The following USP33 variants were observed in gnomAD, a reference collection of about 807,000 sequenced individuals.
USP33 encodes the protein ubiquitin carboxyl-terminal hydrolase 33.
In USP33, 46 loss-of-function variants were observed where a neutral mutation model predicts 124.2. The observed-to-expected ratio is 0.37, with a 90% CI of 0.29 to 0.47. USP33 has a LOEUF of 0.47. USP33 is among the 20% of genes least tolerant of loss of function. The pLI is 0.99. For missense variants in USP33, 851 were observed against 1,070.6 expected (o/e 0.79, Z 2.86); for synonymous variants, 350 against 352.3 (o/e 0.99, Z 0.07).
chr1:77,706,619 A>G (rs1255374081), intron 21 of USP33, among the ~76,000 whole-genome samples: 1 of 152,240 alleles, frequency 6.6e-6, no homozygotes, highest in Non-Finnish European at 1.5e-5. Context: ...AAATGAAGAA[A>G]CAGGCTTACT....
chr1:77,713,868 A>ACT (rs1363333175), intron 19 of USP33, among the ~76,000 whole-genome samples: 3 of 150,876 alleles, frequency 2.0e-5, no homozygotes, highest in Non-Finnish European at 4.4e-5. Context: ...TTATTCTTAC[A>ACT]CTCTCTCTCC....
chr1:77,744,661 T>C lies in USP33; in HGVS notation c.-51-2913A>G, dbSNP rs374571086. Among the ~76,000 whole-genome samples the C allele has an allele frequency of 4.6e-5, 7 of 152,086 alleles. No individual in the cohort carries two copies. In the South Asian group the frequency reaches 8.3e-4, roughly 18 times the overall value. ...GAGTTAGAGACCAGCCTGAGCAACA[T>C]AGCGAGACCTCGTCTCTACTAAAAA... is the stretch of plus-strand genomic sequence containing the variant. On this transcript the variant is annotated intron_variant, in intron 1 of 23. Coordinates refer to ENST00000370794, the MANE Select transcript of USP33 (RefSeq NM_201624.3).
At chr1:77,697,742 G>T in intron 23 of USP33, 121 bp downstream of exon 23, 1 of 1,072,426 alleles carries the variant, frequency 9.3e-7, no homozygotes, top group African/African-American at 1.6e-5. Flanking sequence ...ACTTGCCCTA[G>T]TTAATGTATG....
intron 1 of USP33, among the ~76,000 whole-genome samples, chr1:77,755,762 G>T (rs1174846577): frequency 2.0e-5 from 3 of 152,158 alleles, no homozygotes; most frequent in Non-Finnish European, 4.4e-5. Flanking sequence ...TGTGGGAAAT[G>T]GTCTTATTTT....
chr1:77,755,979 G>A lies in USP33; in HGVS notation c.-52+3664C>T, dbSNP rs1384139056. On this transcript the variant is annotated intron_variant, in intron 1 of 23. Transcript: ENST00000370794. Reference sequence around the variant, plus strand: ...TCAACACTCTTATCATCACTCTCCTGAATACTATGCAATTTTTTCACTTTC... The same window carrying A: ...TCAACACTCTTATCATCACTCTCCTAAATACTATGCAATTTTTTCACTTTC... Among the ~76,000 whole-genome samples, 3 of 152,292 alleles carry A rather than the reference G, an allele frequency of 2.0e-5. No individual in the cohort carries two copies. In the East Asian group the frequency reaches 5.8e-4, roughly 29 times the overall value.
chr1:77,755,774 G>C (rs916375449), intron 1 of USP33, among the ~76,000 whole-genome samples: 1 of 152,180 alleles, frequency 6.6e-6, no homozygotes, highest in Non-Finnish European at 1.5e-5. Context: ...TCTTATTTTA[G>C]GTCACATTCA....
Position 77,728,436 on chromosome 1 carries a change from A to G in USP33, c.994T>C (p.Trp332Arg). The G allele has an allele frequency of 6.2e-7, 1 of 1,613,974 alleles. No individual in the cohort carries two copies. Among genetic ancestry groups the G allele is most frequent in the Non-Finnish European group, 8.5e-7 (1 of 1,179,978 alleles). ...DENNSEMSKD[W>R]QKEKMCNKIN... ...TTATTGCACATCTTCTCTTTTTGCC[A>G]ATCCTTTGACATTTCTGAATTGTTT... The change falls in exon 10 of 24, where the codon TGG becomes CGG. Residue 332 changes from tryptophan to arginine, a missense_variant. Around this residue, in one of 4 missense-constraint regions of USP33, gnomAD observed 207 missense variants for 200.9 expected, o/e 1.03. Transcript: ENST00000370794.
At chr1:77,757,798 T>C (rs186073682) in intron 1 of USP33, among the ~76,000 whole-genome samples, 17 of 152,362 alleles carry the variant, frequency 1.1e-4, no homozygotes, top group Non-Finnish European at 2.4e-4. Flanking sequence ...TTACACAATC[T>C]TGAAATGTTT....
chr1:77,759,333 G>A (rs1382679514), intron 1 of USP33: 2 of 352,846 alleles, frequency 5.7e-6, no homozygotes, highest in African/African-American at 2.1e-5. Context: ...CAGAGCCCCC[G>A]CTTCTCGGGC....
At chr1:77,715,266 G>A (rs1675741119) in intron 18 of USP33, among the ~76,000 whole-genome samples, 1 of 151,964 alleles carries the variant, frequency 6.6e-6, no homozygotes, top group Non-Finnish European at 1.5e-5. Flanking sequence ...GAGTGCAGTG[G>A]CGCAATCTAG....
rs1553191204 is a variant in USP33 at position 77,711,861 on chromosome 1, G to A, written c.2298-6C>T. The A allele has an allele frequency of 1.4e-5, 22 of 1,582,976 alleles. No individual in the cohort carries two copies. The highest frequency in any genetic ancestry group is 2.0e-5 in the Admixed American group (1 of 50,866). On this transcript the variant is annotated splice_polypyrimidine_tract_variant and splice_region_variant and intron_variant, in intron 20 of 23. Transcript: ENST00000370794. Reference sequence around the variant, plus strand: ...CAGCTGGTCCTCCACCATACCTAAAGCATGAAAAATTTAAGAATTAATGTT... The same window carrying A: ...CAGCTGGTCCTCCACCATACCTAAAACATGAAAAATTTAAGAATTAATGTT...
At position 77,717,969 on chromosome 1, in the gene USP33, G is replaced by A. The variant is rs769470146; in HGVS notation, c.1816C>T (p.Leu606=). 11 of 1,613,906 alleles carry A rather than the reference G, an allele frequency of 6.8e-6. No individual in the cohort carries two copies. The Admixed American group carries it at 1.7e-4, about 24-fold the overall frequency. ...TKISTHVSFP[L]EGLDLQPFLA... is the part of the protein sequence containing the mutation. ...AATGGCTGAAGATCCAAGCCTTCTA[G>A]CGGAAATGAAACATGGGTACTGATT... The change falls in exon 17 of 24, where the codon CTA becomes TTA. Residue 606 remains leucine (L), a synonymous_variant. Transcript: ENST00000370794.
chr1:77,720,581 G>C (rs560778864), intron 15 of USP33: 81 of 985,428 alleles, frequency 8.2e-5, no homozygotes, highest in Middle Eastern at 5.2e-4. Flanking sequence ...GCAAGCCGTT[G>C]CATTCCTATT....
chr1:77,737,988 G>A (rs1353588672), intron 5 of USP33, among the ~76,000 whole-genome samples: 2 of 152,066 alleles, frequency 1.3e-5, no homozygotes, highest in Non-Finnish European at 2.9e-5. Flanking sequence ...TCAACGAAAC[G>A]GCCATTTTCA....
intron 1 of USP33, among the ~76,000 whole-genome samples, chr1:77,743,911 A>G (rs1046526058): frequency 2.6e-5 from 4 of 152,230 alleles, no homozygotes; most frequent in South Asian, 4.2e-4. Flanking sequence ...TGGACGGATC[A>G]CGAGGTCAGG....
intron 1 of USP33, among the ~76,000 whole-genome samples, chr1:77,749,990 TCTG>T (rs1383597775): frequency 2.0e-5 from 3 of 152,248 alleles, no homozygotes; most frequent in Non-Finnish European, 2.9e-5. Flanking sequence ...TTCTCTCTGC[TCTG>T]CTATTAATTT....
At chr1:77,736,482 A>C (rs1173741688) in intron 5 of USP33, among the ~76,000 whole-genome samples, 2 of 152,206 alleles carry the variant, frequency 1.3e-5, no homozygotes, top group Admixed American at 6.5e-5. Flanking sequence ...AAGATCTCCG[A>C]AGGATACTAT....
At chr1:77,701,582 G>T in intron 21 of USP33, 111 bp from the exon 22 acceptor site, 1 of 819,014 alleles carries the variant, frequency 1.2e-6, no homozygotes, top group Non-Finnish European at 2.0e-6. Flanking sequence ...GGAGGCTGAG[G>T]CAGGAGGAGT....
intron 1 of USP33, among the ~76,000 whole-genome samples, chr1:77,754,408 A>G (rs1421905414): frequency 6.6e-6 from 1 of 152,218 alleles, no homozygotes; most frequent in African/African-American, 2.4e-5. Flanking sequence ...AAACTGATGA[A>G]TGGAAGGAAG....
Sources: allele counts gnomAD v4.1 joint callset (sites outside exome capture counted in the v4.1 genomes callset), GRCh38; gene constraint gnomAD v4.1.1; regional missense constraint gnomAD v4.1.1; transcripts MANE v1.5; gene names NCBI Gene and HGNC (gene_info 2026-07-23, HGNC 2026-07-21).